TMPRSS11A: variants seen among roughly 807,000 people sequenced by gnomAD.
TMPRSS11A encodes transmembrane serine protease 11A.
A neutral mutation model predicts 58.9 loss-of-function variants in TMPRSS11A; 53 were observed. The ratio of observed to expected loss-of-function variants is 0.90; its 90% CI spans 0.72 to 1.13. The LOEUF (loss-of-function observed/expected upper bound fraction) is 1.13. Among genes scored for constraint, TMPRSS11A ranks in the 50% most tolerant of loss-of-function variants. The pLI, the probability that TMPRSS11A is intolerant of heterozygous loss-of-function variation, is 0.00. For missense variants in TMPRSS11A, 493 were observed against 499.3 expected, an observed-to-expected ratio of 0.99 and a Z score of 0.12; for synonymous variants, 167 against 169.8, an observed-to-expected ratio of 0.98 and a Z score of 0.13.
intron 8 of TMPRSS11A, among the ~76,000 whole-genome samples, chr4:67,916,470 TATAC>T (rs1217345599): frequency 2.7e-5 from 1 of 36,526 alleles, no homozygotes; most frequent in Non-Finnish European, 5.1e-5. Flanking sequence ...TTATATATAT[TATAC>T]ACACACACAC....
chr4:67,930,083 T>G, intron 4 of TMPRSS11A, 43 bp from the exon 5 acceptor site: 1 of 1,569,492 alleles, frequency 6.4e-7, no homozygotes, highest in Non-Finnish European at 8.7e-7. Context: ...AGAATACACC[T>G]GGAATTGTCC....
intron 3 of TMPRSS11A, among the ~76,000 whole-genome samples, chr4:67,940,212 T>G (rs1054991580): frequency 1.3e-5 from 2 of 152,182 alleles, no homozygotes; most frequent in Non-Finnish European, 2.9e-5. Context: ...CATTCTGTCT[T>G]TGTGAGGTTT....
intron 9 of TMPRSS11A, 144 bp downstream of exon 9, chr4:67,914,444 A>T (rs1720091324): frequency 3.0e-6 from 2 of 666,420 alleles, no homozygotes; most frequent in African/African-American, 3.8e-5. Context: ...ATTTAAAAGT[A>T]TTTTGTGCTG....
intron 3 of TMPRSS11A, among the ~76,000 whole-genome samples, chr4:67,934,757 G>T (rs556139087): frequency 6.6e-6 from 1 of 152,058 alleles, no homozygotes; most frequent in African/African-American, 2.4e-5. Context: ...AAACAGACTC[G>T]CCCAGCCATT....
intron 1 of TMPRSS11A, among the ~76,000 whole-genome samples, chr4:67,950,209 G>T (rs1721124755): frequency 6.6e-6 from 1 of 152,190 alleles, no homozygotes; most frequent in Non-Finnish European, 1.5e-5. Flanking sequence ...TTTCTCATCT[G>T]AAATTTGTGA....
At chr4:67,936,907 G>C (rs1482264212) in intron 3 of TMPRSS11A, among the ~76,000 whole-genome samples, 3 of 152,124 alleles carry the variant, frequency 2.0e-5, no homozygotes, top group African/African-American at 7.2e-5. Flanking sequence ...ATCTCATTTG[G>C]ATCTATTTAA....
chr4:67,923,034 A>G (rs982663504), intron 6 of TMPRSS11A, 108 bp from the exon 7 acceptor site: 41 of 984,026 alleles, frequency 4.2e-5, no homozygotes, highest in South Asian at 9.3e-5. Flanking sequence ...CCTCCTGCCC[A>G]GGACACTTAC....
chr4:67,926,527 T>A (rs548789601), intron 5 of TMPRSS11A, among the ~76,000 whole-genome samples: 6 of 152,286 alleles, frequency 3.9e-5, no homozygotes, highest in Non-Finnish European at 8.8e-5. Flanking sequence ...GTCCCCTGTG[T>A]CCCACATCCC....
At chr4:67,957,182 A>G (rs1721310708) in intron 1 of TMPRSS11A, among the ~76,000 whole-genome samples, 1 of 152,210 alleles carries the variant, frequency 6.6e-6, no homozygotes, top group Non-Finnish European at 1.5e-5. Context: ...ACGGACTAAT[A>G]CAGTAAATTG....
Position 67,963,422 on chromosome 4 carries a change from G to A in TMPRSS11A, c.-29C>T, listed in dbSNP as rs747662411. On this transcript the variant is annotated 5_prime_UTR_variant, in exon 1 of 10. Coordinates refer to ENST00000508048, the MANE Select transcript of TMPRSS11A (RefSeq NM_001114387.2). Reference sequence around the variant, plus strand: ...CAGGAGGAAGAATATGATCTTGCAGGTCTGCACCCACTGAACTCAACTTTC... The same window carrying A: ...CAGGAGGAAGAATATGATCTTGCAGATCTGCACCCACTGAACTCAACTTTC... 159 of 1,612,802 alleles carry A rather than the reference G, an allele frequency of 9.9e-5. No homozygotes were observed. Among genetic ancestry groups the A allele is most frequent in the South Asian group, 8.0e-4 (73 of 90,912 alleles).
At chr4:67,929,231 A>G (rs1720548395) in intron 5 of TMPRSS11A, among the ~76,000 whole-genome samples, 1 of 152,192 alleles carries the variant, frequency 6.6e-6, no homozygotes, top group Non-Finnish European at 1.5e-5. Flanking sequence ...CTTAAGGTAA[A>G]GGCCATAGAG....
Position 67,919,149 on chromosome 4 carries a change from A to G in TMPRSS11A, c.776T>C (p.Ile259Thr), listed in dbSNP as rs373583755. The part of the protein sequence containing the change: ...PLMKRNVRRF[I>T]IHEKYRSAAR... ...TGCAGAGCGGTACTTCTCATGGATA[A>G]TAAATCTTCTGACATTTCTTTTCAT... is the stretch of plus-strand genomic sequence containing the variant. The change falls in exon 8 of 10, where the codon ATT becomes ACT. Residue 259 changes from isoleucine (I) to threonine (T), a missense_variant. Ile to Thr is a moderately conservative substitution (Grantham distance 89). Coordinates refer to ENST00000508048, the MANE Select transcript of TMPRSS11A (RefSeq NM_001114387.2). The G allele has an allele frequency of 5.0e-6, 8 of 1,614,208 alleles. No individual in the cohort carries two copies. In the South Asian group the frequency reaches 8.8e-5, roughly 18 times the overall value.
chr4:67,910,605 T>C lies in TMPRSS11A; in HGVS notation c.*737A>G, dbSNP rs745539512. ...CCTTCTCCCAAATTTTTAACAAATA[T>C]ATAGTTTTGATTAACTAATCACTCT... On this transcript the variant is annotated 3_prime_UTR_variant, in exon 10 of 10. Coordinates refer to ENST00000508048, the MANE Select transcript of TMPRSS11A (RefSeq NM_001114387.2). 12 of 152,116 alleles carry C rather than the reference T, an allele frequency of 7.9e-5. No individual in the cohort carries two copies. Among genetic ancestry groups the C allele is most frequent in the African/African-American group, 1.2e-4 (5 of 41,450 alleles). 9.4% of individuals were successfully genotyped at this position (152,116 alleles called of 1,614,324 possible).
In TMPRSS11A at chr4:67,929,879, C is replaced by T; in HGVS notation, c.481+1G>A. On this transcript the variant is annotated splice_donor_variant, in intron 5 of 9. Transcript: ENST00000508048. LOFTEE classifies it high-confidence loss of function. ...TATCACATAGAAGGGGACCTCCTTA[C>T]CATTAACTTGAACTGATGAGGCATT... 3 of 1,605,844 alleles carry T rather than the reference C, an allele frequency of 1.9e-6. No individual in the cohort carries two copies. The highest frequency in any genetic ancestry group is 2.6e-6 in the Non-Finnish European group (3 of 1,174,800).
At chr4:67,947,801 T>A (rs1191594716) in intron 1 of TMPRSS11A, among the ~76,000 whole-genome samples, 1 of 152,198 alleles carries the variant, frequency 6.6e-6, no homozygotes, top group East Asian at 1.9e-4. Flanking sequence ...GCATTAGCCT[T>A]GTTCATCTTT....
At chr4:67,938,820 T>C (rs574541870) in intron 3 of TMPRSS11A, among the ~76,000 whole-genome samples, 1 of 152,246 alleles carries the variant, frequency 6.6e-6, no homozygotes, top group South Asian at 2.1e-4. Flanking sequence ...AGCCTTAAAG[T>C]ATAGTTTGAA....
rs779641829 is a variant in TMPRSS11A, at chr4:67,931,982, A to G, written c.320+11T>C. 28 of 1,569,350 alleles carry G rather than the reference A, an allele frequency of 1.8e-5. 1 individual carries two copies. In the South Asian group the frequency reaches 2.6e-4, roughly 14 times the overall value. ...AGTCTTGTGATTCCACCTTTGCCCA[A>G]ACATACATACGTCAGTCTGACTACT... On this transcript the variant is annotated intron_variant, in intron 4 of 9. Coordinates refer to ENST00000508048, the MANE Select transcript of TMPRSS11A (RefSeq NM_001114387.2).
chr4:67,925,818 T>C (rs1021662554), intron 5 of TMPRSS11A, among the ~76,000 whole-genome samples: 8 of 152,198 alleles, frequency 5.3e-5, no homozygotes, highest in African/African-American at 1.9e-4. Context: ...AGGATGCAAG[T>C]TAGCCATTTC....
rs201118203 is a variant in TMPRSS11A, at chr4:67,911,439, A to G, written c.1160T>C (p.Val387Ala). The G allele has an allele frequency of 2.3e-5, 37 of 1,613,632 alleles. No individual in the cohort carries two copies. The East Asian group carries it at 8.0e-4, about 35-fold the overall frequency. Residue 387 changes from valine to alanine, a missense_variant, in exon 10 of 10, where the codon GTA (valine) becomes GCA (alanine). By Grantham distance (64) the Val-to-Ala change is moderately conservative. Coordinates refer to ENST00000508048, the MANE Select transcript of TMPRSS11A (RefSeq NM_001114387.2). The stretch of plus-strand genomic sequence containing the variant: ...TTGACCACAGTTATCTCCCCAGCTT[A>G]CAATTCCAATGAGATACCACGTATC... ...LKDTWYLIGI[V>A]SWGDNCGQKD...
Sources: allele counts gnomAD v4.1 joint callset (sites outside exome capture counted in the v4.1 genomes callset), GRCh38; gene constraint gnomAD v4.1.1; transcripts MANE v1.5; gene names NCBI Gene and HGNC (gene_info 2026-07-23, HGNC 2026-07-21).